MTERF2: variants seen among roughly 807,000 people sequenced by gnomAD.
MTERF2 encodes transcription termination factor 2, mitochondrial.
MTERF2 carries 23 observed loss-of-function variants against 29.2 expected under a neutral mutation model. The ratio of observed to expected loss-of-function variants is 0.79; its 90% confidence interval spans 0.57 to 1.12. The LOEUF (loss-of-function observed/expected upper bound fraction) is 1.12. Ranked by LOEUF, MTERF2 falls within the 50% of genes most tolerant of loss-of-function variation. MTERF2 has a pLI of 0.00. For synonymous variants in MTERF2, 157 were observed against 159.5 expected (o/e 0.98, Z 0.12); for missense variants, 440 against 429.4 (o/e 1.02, Z -0.22).
At chr12:106,983,140 A>G (rs1952070318) in intron 2 of MTERF2, among the ~76,000 whole-genome samples, 1 of 152,204 alleles carries the variant, frequency 6.6e-6, no homozygotes, top group South Asian at 2.1e-4. Context: ...TAGCATACCA[A>G]AGTAGCCCCT....
At chr12:106,982,593 T>C (rs536365199) in intron 2 of MTERF2, among the ~76,000 whole-genome samples, 2 of 152,366 alleles carry the variant, frequency 1.3e-5, no homozygotes, top group South Asian at 4.1e-4. Flanking sequence ...GTATTAAAAA[T>C]GCTCTGTAAA....
At chr12:106,986,812 C>T (rs1336491303) in intron 1 of MTERF2, 157 bp downstream of exon 1, 3 of 152,238 alleles carry the variant, frequency 2.0e-5, no homozygotes, top group African/African-American at 7.2e-5. Context: ...CAGGACCGAT[C>T]AAAAGGCCGC....
Position 106,977,783 on chromosome 12 carries a change from A to G in MTERF2, c.932T>C (p.Ile311Thr). ...ERMQGLLREG[I>T]SIAQIRETPM... is the part of the protein sequence containing the mutation. ...CGTCTCTCTTATCTGAGCTATGGAA[A>G]TTCCTTCTCTCAATAATCCTTGCAT... Residue 311 changes from isoleucine (I) to threonine (T), a missense_variant, in exon 3 of 3, where the codon ATT becomes ACT. Transcript: ENST00000240050. The G allele has an allele frequency of 1.2e-6, 2 of 1,614,008 alleles. No individual in the cohort carries two copies.
chr12:106,978,792 GT>G, intron 2 of MTERF2, 21 bp from the exon 3 acceptor site: 1 of 1,357,186 alleles, frequency 7.4e-7, no homozygotes, highest in Non-Finnish European at 9.9e-7. Flanking sequence ...GAAAATAAAG[GT>G]TTTTAGTATA....
rs199961547 is a variant in MTERF2 at position 106,978,092 on chromosome 12, C to T, written c.623G>A (p.Trp208Ter). 2.4e-5 allele frequency: 39 copies of T among 1,613,940 alleles called. No individual in the cohort carries two copies. The African/African-American group carries it at 5.2e-4, about 22-fold the overall frequency. ...VGGSEANMKV[W>*]LLKLLSQNPF... is the part of the protein sequence containing the mutation. The stretch of plus-strand genomic sequence containing the variant: ...GTTTTGGCTTAACAATTTTAGTAGC[C>T]AAACTTTCATGTTGGCCTCAGAGCC... Residue 208 changes from tryptophan to a stop codon, truncating the protein, a stop_gained, in exon 3 of 3, where the codon TGG (tryptophan) becomes TAG (stop). Transcript: ENST00000240050. LOFTEE classifies it high-confidence loss of function.
At position 106,977,539 on chromosome 12, in the gene MTERF2, GCAA is replaced by G. The variant is rs747634538; in HGVS notation, c.*15_*17del. On this transcript the variant is annotated 3_prime_UTR_variant, in exon 3 of 3. Coordinates refer to ENST00000240050, the MANE Select transcript of MTERF2 (RefSeq NM_001033050.3). ...TTTCACCCTGCACTGCTAGAAAGAA[GCAA>G]CAACAGTCAGTATGTCATTCTTCAA... The G allele has an allele frequency of 3.2e-6, 5 of 1,583,612 alleles. No homozygotes were observed. In the Admixed American group the frequency reaches 7.1e-5, roughly 23 times the overall value.
chr12:106,980,884 A>G (rs1362979019), intron 2 of MTERF2, among the ~76,000 whole-genome samples: 12 of 152,156 alleles, frequency 7.9e-5, no homozygotes, highest in Non-Finnish European at 1.3e-4. Flanking sequence ...TCCCATTTTG[A>G]TTTAGCTCAC....
chr12:106,979,344 C>T (rs79389970), intron 2 of MTERF2, among the ~76,000 whole-genome samples: 2,826 of 152,198 alleles, frequency 0.019, 98 homozygotes, highest in African/African-American at 0.065. Context: ...TAATTTTATA[C>T]GTTAAATATT....
chr12:106,983,316 C>G (rs1952073134), intron 2 of MTERF2, among the ~76,000 whole-genome samples: 1 of 152,206 alleles, frequency 6.6e-6, no homozygotes. Context: ...TCTCCATACC[C>G]TCTTCCCTCC....
intron 2 of MTERF2, among the ~76,000 whole-genome samples, chr12:106,979,338 T>C (rs1952028310): frequency 6.6e-6 from 1 of 152,206 alleles, no homozygotes. Flanking sequence ...CATCTCTAAT[T>C]TTATACGTTA....
Position 106,977,682 on chromosome 12 carries a change from T to G in MTERF2, c.1033A>C (p.Lys345Gln). Residue 345 changes from lysine (K) to glutamine (Q), a missense_variant, in exon 3 of 3, where the codon AAG (lysine) becomes CAG (glutamine). Lys to Gln is a moderately conservative substitution (Grantham distance 53, BLOSUM62 1). Transcript: ENST00000240050. Reference sequence around the variant, plus strand: ...TTTAGATTTGCTAGATGTCCATCCTTTATTCTGTAGCCTGAGGAATTCAGT... The same window carrying G: ...TTTAGATTTGCTAGATGTCCATCCTGTATTCTGTAGCCTGAGGAATTCAGT... Reference protein sequence around the residue: ...RKLNSSGYRIKDGHLANLNGS... With the variant: ...RKLNSSGYRIQDGHLANLNGS... The G allele has an allele frequency of 3.7e-6, 6 of 1,613,998 alleles. No individual in the cohort carries two copies. The highest frequency in any genetic ancestry group is 5.1e-6 in the Non-Finnish European group (6 of 1,179,952).
intron 2 of MTERF2, 38 bp from the exon 3 acceptor site, chr12:106,978,809 G>T: frequency 8.7e-7 from 1 of 1,154,852 alleles, no homozygotes; most frequent in Non-Finnish European, 1.2e-6. Flanking sequence ...GTATAAGGGT[G>T]TTGACTTTCA....
chr12:106,978,282 C>T lies in MTERF2; in HGVS notation c.433G>A (p.Asp145Asn). 1.9e-6 allele frequency: 3 copies of T among 1,614,024 alleles called. No homozygotes were observed. Among genetic ancestry groups the T allele is most frequent in the Non-Finnish European group, 2.5e-6 (3 of 1,180,000 alleles). Reference protein sequence around the residue: ...QFPESFFTIKDQENQKLNVQF... With the variant: ...QFPESFFTIKNQENQKLNVQF... ...ACATTCAGCTTCTGGTTCTCTTGGT[C>T]TTTAATAGTAAAGAAAGATTCTGGA... is the stretch of plus-strand genomic sequence containing the variant. The change falls in exon 3 of 3, where the codon GAC (aspartate) becomes AAC (asparagine). Residue 145 changes from aspartate (D) to asparagine (N), a missense_variant. By Grantham distance (23) the Asp-to-Asn change is conservative. Transcript: ENST00000240050.
chr12:106,977,623 G>C lies in MTERF2; in HGVS notation c.1092C>G (p.Gly364=), dbSNP rs139610138. ...GCCTTACTTTTTTGGCCTGAATTTTGCCAAAATTAGCTTCAAACTCTTTTT... is the reference window on the plus strand; with the variant it reads ...GCCTTACTTTTTTGGCCTGAATTTTCCCAAAATTAGCTTCAAACTCTTTTT... ...GSKKEFEANF[G]KIQAKKVRPL... The change falls in exon 3 of 3, where the codon GGC becomes GGG. Residue 364 remains glycine, a synonymous_variant. Coordinates refer to ENST00000240050, the MANE Select transcript of MTERF2 (RefSeq NM_001033050.3). The C allele has an allele frequency of 2.5e-5, 40 of 1,613,644 alleles. No homozygotes were observed. In the Admixed American group the frequency reaches 6.5e-4, roughly 26 times the overall value.
chr12:106,983,098 T>A (rs1009791875), intron 2 of MTERF2, among the ~76,000 whole-genome samples: 1 of 152,220 alleles, frequency 6.6e-6, no homozygotes, highest in Admixed American at 6.5e-5. Context: ...AATATTTTCT[T>A]CAGCTCATTT....
At chr12:106,978,962 TGAGCTGAGATTGTAGCATTGCACTCCA>T (rs888809219) in intron 2 of MTERF2, among the ~76,000 whole-genome samples, 191 bp from the exon 3 acceptor site, 1 of 151,868 alleles carries the variant, frequency 6.6e-6, no homozygotes, top group African/African-American at 2.4e-5. Context: ...GAGGTTGCAG[TGAGCTGAGATTGTAGCATTGCACTCCA>T]GACGGGGCAA....
At chr12:106,980,352 A>G (rs979573913) in intron 2 of MTERF2, among the ~76,000 whole-genome samples, 5 of 152,204 alleles carry the variant, frequency 3.3e-5, no homozygotes, top group Non-Finnish European at 7.3e-5. Flanking sequence ...GGTCTAAAAG[A>G]TAAGTTATTT....
In MTERF2 at chr12:106,978,073, G is replaced by T; in HGVS notation, c.642C>A (p.Ser214Arg). Residue 214 changes from serine to arginine, a missense_variant, in exon 3 of 3, where the codon AGC becomes AGA. Ser to Arg is a moderately radical substitution (Grantham distance 110). Coordinates refer to ENST00000240050, the MANE Select transcript of MTERF2 (RefSeq NM_001033050.3). The part of the protein sequence containing the change: ...NMKVWLLKLL[S>R]QNPFILLNSP... ...AATTTAACAAAATAAATGGGTTTTG[G>T]CTTAACAATTTTAGTAGCCAAACTT... is the stretch of plus-strand genomic sequence containing the variant. The T allele has an allele frequency of 6.2e-7, 1 of 1,613,934 alleles. No homozygotes were observed. The highest frequency in any genetic ancestry group is 8.5e-7 in the Non-Finnish European group (1 of 1,179,972).
chr12:106,982,407 T>G (rs1952062925), intron 2 of MTERF2, among the ~76,000 whole-genome samples: 1 of 152,254 alleles, frequency 6.6e-6, no homozygotes, highest in Admixed American at 6.5e-5. Flanking sequence ...TGTGTTCAGA[T>G]GAGTCGTCTT....
Sources: allele counts gnomAD v4.1 joint callset (sites outside exome capture counted in the v4.1 genomes callset), GRCh38; gene constraint gnomAD v4.1.1; transcripts MANE v1.5; gene names NCBI Gene and HGNC (gene_info 2026-07-23, HGNC 2026-07-21).